The following PALLD variants were observed in gnomAD, a reference collection of about 807,000 sequenced individuals.
PALLD encodes palladin.
In PALLD, 61 loss-of-function variants were observed where a neutral mutation model predicts 123.5. The observed-to-expected ratio is 0.49, with a 90% confidence interval of 0.40 to 0.61. The LOEUF is 0.61. Among genes scored for constraint, PALLD ranks in the 20% least tolerant of loss-of-function variants. The pLI is 0.00. For missense variants in PALLD, 1,273 were observed against 1,377.0 expected, an observed-to-expected ratio of 0.92 and a Z score of 1.20; for synonymous variants, 465 against 496.4, an observed-to-expected ratio of 0.94 and a Z score of 0.84.
chr4:168,896,258 T>C (rs1161351794), intron 12 of PALLD, among the ~76,000 whole-genome samples: 1 of 152,010 alleles, frequency 6.6e-6, no homozygotes, highest in African/African-American at 2.4e-5. Flanking sequence ...CTGAACATCT[T>C]AGGTTAGCCT....
intron 2 of PALLD, among the ~76,000 whole-genome samples, chr4:168,619,640 C>T (rs186107337): frequency 1.4e-3 from 208 of 152,282 alleles, no homozygotes; most frequent in Non-Finnish European, 9.6e-4. Context: ...TCAGTAGAAC[C>T]AACTCAGATC....
At chr4:168,644,885 TGGA>T in intron 2 of PALLD, among the ~76,000 whole-genome samples, 1 of 152,170 alleles carries the variant, frequency 6.6e-6, no homozygotes, top group South Asian at 2.1e-4. Context: ...GGCGGATCAC[TGGA>T]GGTCAGGAGT....
chr4:168,917,049 G>GGTTTTTTTTTTTT (rs1491537610), intron 17 of PALLD, among the ~76,000 whole-genome samples: 1 of 124,876 alleles, frequency 8.0e-6, no homozygotes, highest in Non-Finnish European at 1.7e-5. Flanking sequence ...TTTTTTTGGG[G>GGTTTTTTTTTTTT]TTTTTTTTTT....
intron 10 of PALLD, among the ~76,000 whole-genome samples, chr4:168,780,234 A>G (rs1228824452): frequency 6.6e-6 from 1 of 151,834 alleles, no homozygotes; most frequent in African/African-American, 2.4e-5. Context: ...TTTTGTTAGC[A>G]CTCTCTGTGC....
At chr4:168,845,375 C>A (rs1189936595) in intron 10 of PALLD, among the ~76,000 whole-genome samples, 3 of 151,982 alleles carry the variant, frequency 2.0e-5, no homozygotes, top group Admixed American at 1.3e-4. Context: ...CCTCTGGATC[C>A]CTGGGTTCCA....
chr4:168,626,714 GAA>G (rs767084915), intron 2 of PALLD, among the ~76,000 whole-genome samples: 27 of 100,336 alleles, frequency 2.7e-4, no homozygotes, highest in South Asian at 5.7e-4. Flanking sequence ...CTGCCTCCAG[GAA>G]AAAAAAAAAA....
At chr4:168,792,912 G>A (rs561407560) in intron 10 of PALLD, among the ~76,000 whole-genome samples, 2 of 151,458 alleles carry the variant, frequency 1.3e-5, no homozygotes, top group East Asian at 1.9e-4. Flanking sequence ...GATTACAGGC[G>A]CAGGCCACCA....
rs542011053 is a variant in PALLD at position 168,865,543 on chromosome 4, A to G, written c.1965-25379A>G. 2.6e-5 allele frequency among the ~76,000 whole-genome samples: 4 copies of G among 152,340 alleles called. No homozygotes were observed. The South Asian group carries it at 8.3e-4, about 32-fold the overall frequency. On this transcript the variant is annotated intron_variant, in intron 10 of 21. Coordinates refer to ENST00000505667, the MANE Select transcript of PALLD (RefSeq NM_001166108.2). ...TTGATTGCAAGACCAAAATATGTAG[A>G]AAATGTTATTGGCAACATTATTTAT... is the stretch of plus-strand genomic sequence containing the variant.
intron 10 of PALLD, among the ~76,000 whole-genome samples, chr4:168,809,444 A>G (rs1483961461): frequency 6.6e-6 from 1 of 152,118 alleles, no homozygotes; most frequent in African/African-American, 2.4e-5. Context: ...GACTAAAGAC[A>G]TGTTTTAGTT....
At chr4:168,648,784 T>A (rs1474671849) in intron 2 of PALLD, 1 of 152,248 alleles carries the variant, frequency 6.6e-6, no homozygotes, top group Admixed American at 6.5e-5. Context: ...TGTATTTTGT[T>A]TTCTTCATAA....
chr4:168,739,403 T>C (rs1022041591), intron 10 of PALLD, among the ~76,000 whole-genome samples: 1 of 152,190 alleles, frequency 6.6e-6, no homozygotes, highest in Non-Finnish European at 1.5e-5. Flanking sequence ...AAGTTCCCTT[T>C]TCTTAGAGGC....
chr4:168,681,403 G>C lies in PALLD; in HGVS notation c.1154+5G>C, dbSNP rs1422335893. On this transcript the variant is annotated splice_donor_5th_base_variant and intron_variant, in intron 4 of 21. Transcript: ENST00000505667. ...AAGAGCTGGAGCTATGCCACAGTAAGTGCCTACAATTCCATCGATTATGTG... is the reference window on the plus strand; with the variant it reads ...AAGAGCTGGAGCTATGCCACAGTAACTGCCTACAATTCCATCGATTATGTG... 1 of 1,574,912 alleles carries C rather than the reference G, an allele frequency of 6.3e-7. No individual in the cohort carries two copies. The highest frequency in any genetic ancestry group is 1.1e-5 in the South Asian group (1 of 90,332).
intron 2 of PALLD, among the ~76,000 whole-genome samples, chr4:168,565,985 A>C (rs1050668078): frequency 5.3e-5 from 8 of 151,846 alleles, no homozygotes; most frequent in African/African-American, 1.9e-4. Flanking sequence ...TCCTTAAAAT[A>C]CTCTTAGAAC....
intron 14 of PALLD, among the ~76,000 whole-genome samples, chr4:168,899,316 G>A (rs953257523): frequency 6.6e-6 from 1 of 152,060 alleles, no homozygotes; most frequent in African/African-American, 2.4e-5. Context: ...ATCTTTAAAG[G>A]AAGGACTAGA....
intron 10 of PALLD, among the ~76,000 whole-genome samples, chr4:168,867,285 G>A (rs959436285): frequency 1.3e-5 from 2 of 152,150 alleles, no homozygotes; most frequent in Non-Finnish European, 2.9e-5. Flanking sequence ...ATGTGGTGAC[G>A]CTGTTGGTGC....
intron 2 of PALLD, among the ~76,000 whole-genome samples, chr4:168,653,565 A>G (rs1778260053): frequency 6.6e-6 from 1 of 152,214 alleles, no homozygotes; most frequent in Non-Finnish European, 1.5e-5. Context: ...TGAGGCAGAA[A>G]TCACATTATC....
At chr4:168,593,796 A>G (rs915249280) in intron 2 of PALLD, among the ~76,000 whole-genome samples, 3 of 152,238 alleles carry the variant, frequency 2.0e-5, no homozygotes, top group African/African-American at 7.2e-5. Flanking sequence ...AAGTCCCAAC[A>G]ACTTGGTTAT....
intron 10 of PALLD, among the ~76,000 whole-genome samples, chr4:168,842,439 T>C (rs183695489): frequency 2.0e-5 from 3 of 152,322 alleles, no homozygotes; most frequent in African/African-American, 4.8e-5. Flanking sequence ...GGTGTAGATA[T>C]CATGAGTTAA....
At chr4:168,630,346 T>C (rs1291725094) in intron 2 of PALLD, among the ~76,000 whole-genome samples, 1 of 152,234 alleles carries the variant, frequency 6.6e-6, no homozygotes, top group Non-Finnish European at 1.5e-5. Flanking sequence ...AAGAAGGGAC[T>C]GAACCTGTCA....
Sources: allele counts gnomAD v4.1 joint callset (sites outside exome capture counted in the v4.1 genomes callset), GRCh38; gene constraint gnomAD v4.1.1; transcripts MANE v1.5; gene names NCBI Gene and HGNC (gene_info 2026-07-23, HGNC 2026-07-21).